Variants in OSBP2 observed in about 807,000 individuals in gnomAD.
OSBP2 encodes oxysterol binding protein 2.
Under a neutral mutation model 96.0 loss-of-function variants are expected in OSBP2, and 66 were observed. The observed-to-expected ratio is 0.69, with a 90% CI of 0.56 to 0.84. The LOEUF is 0.84. Among genes scored for constraint, OSBP2 ranks in the 40% least tolerant of loss-of-function variants. The pLI, the probability that OSBP2 is intolerant of heterozygous loss-of-function variation, is 0.00. For missense variants in OSBP2, 1,038 were observed against 1,222.7 expected, an observed-to-expected ratio of 0.85 and a Z score of 2.25; for synonymous variants, 525 against 520.9, an observed-to-expected ratio of 1.01 and a Z score of -0.11.
At chr22:30,904,406 A>G (rs1210185603) in intron 12 of OSBP2, among the ~76,000 whole-genome samples, 2 of 152,226 alleles carry the variant, frequency 1.3e-5, no homozygotes, top group African/African-American at 4.8e-5. Flanking sequence ...CAGATCATCT[A>G]CTTACATCTT....
At chr22:30,843,565 T>C (rs1475480948) in intron 2 of OSBP2, among the ~76,000 whole-genome samples, 1 of 151,986 alleles carries the variant, frequency 6.6e-6, no homozygotes, top group Non-Finnish European at 1.5e-5. Context: ...ATAGGCCGAA[T>C]AAATTTAGAA....
At chr22:30,874,122 AG>A in intron 3 of OSBP2, among the ~76,000 whole-genome samples, 1 of 152,348 alleles carries the variant, frequency 6.6e-6, no homozygotes, top group East Asian at 1.9e-4. Context: ...CTGTAATCTC[AG>A]CTACTTAGGA....
chr22:30,789,675 A>G (rs1013813494), intron 2 of OSBP2, among the ~76,000 whole-genome samples: 17 of 152,076 alleles, frequency 1.1e-4, no homozygotes, highest in African/African-American at 4.1e-4. Flanking sequence ...CTGTTGGAGG[A>G]CCCTAAGAGG....
At chr22:30,717,840 A>G (rs2089488544) in intron 1 of OSBP2, among the ~76,000 whole-genome samples, 1 of 152,054 alleles carries the variant, frequency 6.6e-6, no homozygotes, top group Non-Finnish European at 1.5e-5. Context: ...CTCAGTGACA[A>G]TGGGTTGTGT....
intron 1 of OSBP2, among the ~76,000 whole-genome samples, chr22:30,740,888 C>G (rs2089928790): frequency 6.6e-6 from 1 of 152,198 alleles, no homozygotes; most frequent in South Asian, 2.1e-4. Context: ...GTCTGCAAAG[C>G]TTTAGACCAC....
chr22:30,885,889 A>G (rs7288765), intron 3 of OSBP2, among the ~76,000 whole-genome samples: 152,338 of 152,338 alleles, frequency 1, 76,169 homozygotes, highest in Non-Finnish European at 1. Context: ...AGGCCAACCA[A>G]GGTGGGTGCT....
chr22:30,866,943 G>A (rs953150305), intron 2 of OSBP2, among the ~76,000 whole-genome samples: 4 of 152,224 alleles, frequency 2.6e-5, no homozygotes, highest in Admixed American at 6.5e-5. Context: ...CTGTGCCTCT[G>A]CCTGGGCTTG....
At chr22:30,785,803 G>A (rs2090580740) in intron 2 of OSBP2, among the ~76,000 whole-genome samples, 1 of 152,094 alleles carries the variant, frequency 6.6e-6, no homozygotes, top group East Asian at 1.9e-4. Context: ...CTGGTTGTTT[G>A]ATAAGTGTCT....
intron 4 of OSBP2, 49 bp downstream of exon 4, chr22:30,887,667 G>A: frequency 2.7e-6 from 4 of 1,471,908 alleles, no homozygotes; most frequent in Non-Finnish European, 3.7e-6. Context: ...CTGCCAGCTG[G>A]CTCTGCATAC....
rs1037601342 is a variant in OSBP2 at position 30,905,068 on chromosome 22, C to T, written c.2376-769C>T. On this transcript the variant is annotated intron_variant, in intron 12 of 13. Coordinates refer to ENST00000332585, the MANE Select transcript of OSBP2 (RefSeq NM_030758.4). The stretch of plus-strand genomic sequence containing the variant: ...AGGAGAGTTGCTTGAACCCAGGAGG[C>T]GGAGGTTGCAGTGAGCGAAGCATCA... Among the ~76,000 whole-genome samples the T allele has an allele frequency of 4.2e-5, 6 of 143,084 alleles. 1 individual carries two copies. Among genetic ancestry groups the T allele is most frequent in the South Asian group, 4.8e-4 (2 of 4,138 alleles). The allele number at this position is 143,084 out of a possible 152,430, so 93.9% of individuals were successfully genotyped here.
rs1482737836 is a variant in OSBP2 at position 30,871,209 on chromosome 22, T to C, written c.1107+527T>C. ...TGCCGAGGTCGTGCCAACCTGATGG[T>C]AGACAAAGCAGGTAACCGCAGTTGT... On this transcript the variant is annotated intron_variant, in intron 3 of 13. Transcript: ENST00000332585. This position sits in a 1 kb window ranked among gnomAD's most constrained non-coding sequence, Gnocchi z 4.7. 6.6e-6 allele frequency among the ~76,000 whole-genome samples: 1 copy of C among 151,720 alleles called. No homozygotes were observed. The highest frequency in any genetic ancestry group is 1.5e-5 in the Non-Finnish European group (1 of 67,964).
intron 12 of OSBP2, among the ~76,000 whole-genome samples, chr22:30,897,747 C>T (rs928131626): frequency 7.9e-5 from 12 of 152,070 alleles, no homozygotes; most frequent in Admixed American, 2.0e-4. Context: ...GTCAGGAGTT[C>T]GAGACCAGCC....
chr22:30,895,016 G>A (rs1354048045), intron 12 of OSBP2, among the ~76,000 whole-genome samples: 3 of 152,114 alleles, frequency 2.0e-5, no homozygotes, highest in Non-Finnish European at 2.9e-5. Context: ...TGAGAATAAC[G>A]GATACTGTGC....
chr22:30,849,503 G>C (rs1381847541), intron 2 of OSBP2, among the ~76,000 whole-genome samples: 1 of 152,052 alleles, frequency 6.6e-6, no homozygotes, highest in Non-Finnish European at 1.5e-5. Context: ...TAATGATATT[G>C]AGCATCTCTT....
intron 1 of OSBP2, among the ~76,000 whole-genome samples, chr22:30,734,256 T>G (rs1423449721): frequency 6.6e-6 from 1 of 152,222 alleles, no homozygotes; most frequent in African/African-American, 2.4e-5. Context: ...TGAGCCATCA[T>G]GCCTGGCCAC....
intron 2 of OSBP2, among the ~76,000 whole-genome samples, chr22:30,769,275 C>T (rs550865592): frequency 6.6e-6 from 1 of 152,324 alleles, no homozygotes; most frequent in African/African-American, 2.4e-5. Context: ...TCTCTAAGCT[C>T]CAATTTCTTT....
intron 1 of OSBP2, among the ~76,000 whole-genome samples, chr22:30,702,090 T>C (rs2145669919): frequency 6.6e-6 from 1 of 152,312 alleles, no homozygotes; most frequent in South Asian, 2.1e-4. Flanking sequence ...TGAGTCATAC[T>C]TGCTGCCTCT....
intron 2 of OSBP2, among the ~76,000 whole-genome samples, chr22:30,809,109 A>C (rs1478855110): frequency 6.6e-6 from 1 of 152,240 alleles, no homozygotes; most frequent in Non-Finnish European, 1.5e-5. Context: ...TGGAAGAGGC[A>C]AGGAAGGATT....
Position 30,887,452 on chromosome 22 carries a change from A to G in OSBP2, c.1134A>G (p.Ala378=), listed in dbSNP as rs2039836863. 4 of 1,613,756 alleles carry G rather than the reference A, an allele frequency of 2.5e-6. No homozygotes were observed. In the South Asian group the frequency reaches 4.4e-5, roughly 18 times the overall value. The change falls in exon 4 of 14, where the codon GCA becomes GCG. Residue 378 remains alanine, a synonymous_variant. Coordinates refer to ENST00000332585, the MANE Select transcript of OSBP2 (RefSeq NM_030758.4). ...CCTGCAGGGACTTCTTGGAACTAGC[A>G]GAGATACACAGTCGGAAATGGCAGC... is the stretch of plus-strand genomic sequence containing the variant. ...INACRDFLEL[A]EIHSRKWQRA...
Sources: gnomAD v4.1 joint callset for allele counts (sites outside exome capture counted in the v4.1 genomes callset) on GRCh38, gnomAD v4.1.1 for gene constraint, Gnocchi (gnomAD v3.1) non-coding constraint, MANE v1.5 for transcripts, NCBI Gene and HGNC (gene_info 2026-07-23, HGNC 2026-07-21) for gene names.